ESRRG: variants seen among roughly 807,000 people sequenced by gnomAD.
The protein encoded by ESRRG is estrogen-related receptor gamma.
In ESRRG, 13 loss-of-function variants were observed where a neutral mutation model predicts 44.0. That is an observed-to-expected ratio of 0.30 (90% CI 0.19 to 0.47). The LOEUF is 0.47. Ranked by LOEUF, ESRRG falls within the 20% of genes least tolerant of loss-of-function variation. The probability of loss-of-function intolerance (pLI) is 1.00; values close to 1 mark genes in which losing one functional copy is unlikely to be tolerated. For synonymous variants in ESRRG, 215 were observed against 214.6 expected, an observed-to-expected ratio of 1.00 and a Z score of -0.02; for missense variants, 395 against 580.6, an observed-to-expected ratio of 0.68 and a Z score of 3.29.
intron 2 of ESRRG, among the ~76,000 whole-genome samples, chr1:216,814,592 T>C (rs1274118967): frequency 6.6e-6 from 1 of 152,234 alleles, no homozygotes; most frequent in African/African-American, 2.4e-5. Context: ...AACCTAACCA[T>C]GTAATATTTC....
At chr1:216,643,722 A>G (rs1434601788) in intron 3 of ESRRG, among the ~76,000 whole-genome samples, 1 of 152,186 alleles carries the variant, frequency 6.6e-6, no homozygotes, top group Non-Finnish European at 1.5e-5. Context: ...CAGCAGTCCC[A>G]TCAAACTTTA....
intron 2 of ESRRG, among the ~76,000 whole-genome samples, chr1:216,797,549 G>C (rs375972198): frequency 1.3e-5 from 2 of 152,046 alleles, no homozygotes; most frequent in East Asian, 1.9e-4. Context: ...TTACGTAAAG[G>C]GGGGAAAAAA....
intron 5 of ESRRG, among the ~76,000 whole-genome samples, chr1:216,537,164 A>G (rs2051227469): frequency 6.6e-6 from 1 of 152,052 alleles, no homozygotes; most frequent in Non-Finnish European, 1.5e-5. Context: ...CGATTAGGTC[A>G]TGAAGGTGAA....
chr1:216,975,683 G>T (rs569024463), intron 1 of ESRRG, among the ~76,000 whole-genome samples: 1 of 152,264 alleles, frequency 6.6e-6, no homozygotes, highest in South Asian at 2.1e-4. Flanking sequence ...CTTGAGGAGA[G>T]GTACTAGAGA....
chr1:217,010,856 T>C (rs1427045449), intron 1 of ESRRG, among the ~76,000 whole-genome samples: 1 of 151,996 alleles, frequency 6.6e-6, no homozygotes, highest in Non-Finnish European at 1.5e-5. Flanking sequence ...CGTAGGAAAA[T>C]TAAGAGGATA....
At chr1:216,869,588 G>A (rs902499207) in intron 2 of ESRRG, among the ~76,000 whole-genome samples, 5 of 151,920 alleles carry the variant, frequency 3.3e-5, no homozygotes, top group East Asian at 1.9e-4. Context: ...AAGAACATCC[G>A]CCTAGGAATT....
chr1:216,774,838 G>GGCTGGAGT (rs2093537646), intron 2 of ESRRG, among the ~76,000 whole-genome samples: 1 of 130,618 alleles, frequency 7.7e-6, no homozygotes, highest in Non-Finnish European at 1.6e-5. Context: ...CTGTCAACCA[G>GGCTGGAGT]GCTGGAGTGC....
chr1:216,736,983 C>T (rs1172330084), intron 2 of ESRRG, among the ~76,000 whole-genome samples: 6 of 152,170 alleles, frequency 3.9e-5, no homozygotes, highest in African/African-American at 9.7e-5. Context: ...ATATTCTCCA[C>T]CCCCAGCCCC....
At chr1:216,886,473 T>A (rs935270875) in intron 2 of ESRRG, among the ~76,000 whole-genome samples, 3 of 152,166 alleles carry the variant, frequency 2.0e-5, no homozygotes, top group African/African-American at 7.2e-5. Context: ...ACAAAACATA[T>A]AAGAAATAGA....
chr1:216,754,707 T>A (rs200761755), intron 2 of ESRRG, among the ~76,000 whole-genome samples: 12,636 of 147,750 alleles, frequency 0.086, 583 homozygotes, highest in African/African-American at 0.12. Flanking sequence ...AAGAACTTTT[T>A]TTTTTTTTTT....
upstream of ESRRG, among the ~76,000 whole-genome samples, chr1:217,091,007 T>G (rs1275593477): frequency 1.3e-5 from 2 of 152,194 alleles, no homozygotes; most frequent in African/African-American, 4.8e-5. Context: ...ATTTGTGTTA[T>G]TTGTACATTG....
chr1:216,749,785 G>A (rs1434220862), intron 2 of ESRRG, among the ~76,000 whole-genome samples: 2 of 152,112 alleles, frequency 1.3e-5, no homozygotes, highest in Non-Finnish European at 2.9e-5. Flanking sequence ...ATTAATATCA[G>A]CATTTTTCTA....
intron 1 of ESRRG, among the ~76,000 whole-genome samples, chr1:217,013,104 G>T (rs1488550994): frequency 6.6e-6 from 1 of 152,166 alleles, no homozygotes; most frequent in Non-Finnish European, 1.5e-5. Flanking sequence ...CACCCTAATT[G>T]CATCATTTGA....
chr1:216,833,534 C>T (rs1559806203), intron 2 of ESRRG, among the ~76,000 whole-genome samples: 1 of 152,162 alleles, frequency 6.6e-6, no homozygotes, highest in Non-Finnish European at 1.5e-5. Flanking sequence ...CCAGATTCAT[C>T]GTTTCTGTGA....
intron 2 of ESRRG, among the ~76,000 whole-genome samples, chr1:216,748,460 T>A (rs2091663610): frequency 6.6e-6 from 1 of 152,188 alleles, no homozygotes; most frequent in Non-Finnish European, 1.5e-5. Flanking sequence ...CTCTCCCTTT[T>A]ACTATCAGTA....
Position 216,519,421 on chromosome 1 carries a change from C to A in ESRRG, c.863G>T (p.Gly288Val), listed in dbSNP as rs781691330. Reference sequence around the variant, plus strand: ...GTCCGCCAGGGACAGCGTGGAGAAGCCTGCATGGAAAGATGGGCAGATCAA... The same window carrying A: ...GTCCGCCAGGGACAGCGTGGAGAAGACTGCATGGAAAGATGGGCAGATCAA... Reference protein sequence around the residue: ...VIIGWAKHIPGFSTLSLADQM... With the variant: ...VIIGWAKHIPVFSTLSLADQM... Residue 288 changes from glycine (G) to valine (V), a missense_variant and splice_region_variant, in exon 6 of 7, where the codon GGC becomes GTC. By Grantham distance (109) the Gly-to-Val change is moderately radical. Coordinates refer to ENST00000408911, the MANE Select transcript of ESRRG (RefSeq NM_001438.4). 6.2e-7 allele frequency: 1 copy of A among 1,601,344 alleles called. No individual in the cohort carries two copies. Among genetic ancestry groups the A allele is most frequent in the South Asian group, 1.1e-5 (1 of 89,096 alleles).
intron 2 of ESRRG, among the ~76,000 whole-genome samples, chr1:216,664,692 GAAAA>G (rs71163758): frequency 3.1e-4 from 42 of 133,770 alleles, no homozygotes; most frequent in African/African-American, 7.9e-4. Context: ...TGCTACTGAA[GAAAA>G]AAAAAAAAAA....
chr1:216,984,406 G>C (rs17044730), intron 1 of ESRRG, among the ~76,000 whole-genome samples: 5,706 of 152,276 alleles, frequency 0.037, 246 homozygotes, highest in African/African-American at 0.087. Flanking sequence ...TTAACAAGCA[G>C]AGTACATATT....
At chr1:216,514,794 G>A (rs1332712775) in intron 6 of ESRRG, among the ~76,000 whole-genome samples, 1 of 152,046 alleles carries the variant, frequency 6.6e-6, no homozygotes, top group Non-Finnish European at 1.5e-5. Context: ...CATGTTGTGG[G>A]AATCAAATAA....
Sources: gnomAD v4.1 joint callset for allele counts (sites outside exome capture counted in the v4.1 genomes callset) on GRCh38, gnomAD v4.1.1 for gene constraint, MANE v1.5 for transcripts, NCBI Gene and HGNC (gene_info 2026-07-23, HGNC 2026-07-21) for gene names.